Variants in CCDC12 observed in about 807,000 individuals in gnomAD.
The protein encoded by CCDC12 is coiled-coil domain-containing protein 12.
A neutral mutation model predicts 25.7 loss-of-function variants in CCDC12; 28 were observed. The ratio of observed to expected loss-of-function variants is 1.09; its 90% CI spans 0.81 to 1.50. CCDC12 has a LOEUF of 1.50. CCDC12 is among the 40% of genes most tolerant of loss of function. CCDC12 has a pLI of 0.00. For missense variants in CCDC12, 198 were observed against 210.0 expected (o/e 0.94, Z 0.35); for synonymous variants, 75 against 87.7 (o/e 0.86, Z 0.81).
intron 1 of CCDC12, among the ~76,000 whole-genome samples, chr3:46,945,996 G>C (rs144315578): frequency 1.4e-4 from 21 of 152,300 alleles, no homozygotes; most frequent in African/African-American, 4.8e-4. Context: ...TCCCTCAATG[G>C]ATGAGTACAC....
intron 2 of CCDC12, among the ~76,000 whole-genome samples, chr3:46,937,932 C>T (rs992987827): frequency 6.6e-6 from 1 of 152,192 alleles, no homozygotes; most frequent in Non-Finnish European, 1.5e-5. Flanking sequence ...GGCACAACTC[C>T]TTGCTAAGGC....
In CCDC12 at chr3:46,932,231, C is replaced by T. The variant is rs192578276; in HGVS notation, c.165-6696G>A. On this transcript the variant is annotated intron_variant, in intron 2 of 6. Coordinates refer to ENST00000683445, the MANE Select transcript of CCDC12 (RefSeq NM_001277074.2). ...CAAGCAAAACAAAGCATTCTATATA[C>T]GCACGATCCTGGCAGCATAATTCAT... Among the ~76,000 whole-genome samples, 244 of 152,312 alleles carry T rather than the reference C, an allele frequency of 1.6e-3. 1 individual carries two copies. Among genetic ancestry groups the T allele is most frequent in the African/African-American group, 4.4e-3 (185 of 41,574 alleles).
chr3:46,944,068 T>TTGAA (rs1303073711), intron 1 of CCDC12, among the ~76,000 whole-genome samples: 1 of 152,106 alleles, frequency 6.6e-6, no homozygotes, highest in Non-Finnish European at 1.5e-5. Flanking sequence ...CGCAGACCAC[T>TTGAA]TGAAGCTCAC....
At chr3:46,944,777 C>T (rs2033841752) in intron 1 of CCDC12, among the ~76,000 whole-genome samples, 1 of 152,128 alleles carries the variant, frequency 6.6e-6, no homozygotes, top group African/African-American at 2.4e-5. Flanking sequence ...CTCTCTTCAA[C>T]TTATCAATCC....
chr3:46,948,313 G>T (rs944050430), intron 1 of CCDC12, among the ~76,000 whole-genome samples: 2 of 152,208 alleles, frequency 1.3e-5, no homozygotes, highest in African/African-American at 4.8e-5. Context: ...TTCCCTAAAG[G>T]CTTCTGAGCA....
chr3:46,941,615 G>C (rs1451686305), intron 1 of CCDC12, among the ~76,000 whole-genome samples: 2 of 151,874 alleles, frequency 1.3e-5, no homozygotes, highest in East Asian at 3.9e-4. Flanking sequence ...CCCAGTCCCA[G>C]GTACCTGGTA....
intron 1 of CCDC12, chr3:46,976,350 T>C: frequency 7.4e-7 from 1 of 1,349,398 alleles, no homozygotes; most frequent in East Asian, 3.1e-5. Flanking sequence ...CCTAGATACC[T>C]ACACGAGCAA....
At chr3:46,970,354 C>T (rs983941960) in intron 1 of CCDC12, among the ~76,000 whole-genome samples, 1 of 151,960 alleles carries the variant, frequency 6.6e-6, no homozygotes, top group Non-Finnish European at 1.5e-5. Flanking sequence ...GACAATTCTT[C>T]TTCCATTGTG....
chr3:46,951,841 T>C (rs2034142421), intron 1 of CCDC12, among the ~76,000 whole-genome samples: 1 of 99,470 alleles, frequency 1.0e-5, no homozygotes, highest in Non-Finnish European at 2.0e-5. Flanking sequence ...AGGATCAAAT[T>C]AACAATGATC....
intron 1 of CCDC12, among the ~76,000 whole-genome samples, chr3:46,974,370 C>G (rs2034901333): frequency 6.6e-6 from 1 of 152,184 alleles, no homozygotes. Flanking sequence ...GAGAGGATCC[C>G]TCTTTAAAAG....
intron 1 of CCDC12, among the ~76,000 whole-genome samples, chr3:46,973,650 G>C (rs1351163195): frequency 1.7e-5 from 2 of 120,694 alleles, no homozygotes; most frequent in South Asian, 5.2e-4. Flanking sequence ...GTCTCACTCT[G>C]TCGCCCAGGC....
intron 2 of CCDC12, among the ~76,000 whole-genome samples, chr3:46,926,632 GGCAGGGCGAGAGGTCCTGGGGGCT>G (rs2032971213): frequency 6.6e-6 from 1 of 152,074 alleles, no homozygotes; most frequent in Non-Finnish European, 1.5e-5. Flanking sequence ...TCCACAGGGC[GGCAGGGCGAGAGGTCCTGGGGGCT>G]GCAGGGTCTA....
intron 1 of CCDC12, among the ~76,000 whole-genome samples, chr3:46,981,759 C>A (rs1226631815): frequency 6.6e-6 from 1 of 152,188 alleles, no homozygotes; most frequent in Non-Finnish European, 1.5e-5. Context: ...AGGTCTTCAG[C>A]CTGGGTGGCA....
At chr3:46,962,702 C>G (rs1158438849) in intron 1 of CCDC12, among the ~76,000 whole-genome samples, 1 of 152,164 alleles carries the variant, frequency 6.6e-6, no homozygotes. Flanking sequence ...TATACCTCCA[C>G]CAGCCTGGCT....
At chr3:46,960,369 A>G (rs894645989) in intron 1 of CCDC12, among the ~76,000 whole-genome samples, 2 of 152,234 alleles carry the variant, frequency 1.3e-5, no homozygotes, top group African/African-American at 4.8e-5. Context: ...GGCCCAGGAC[A>G]GGAAAGTCCT....
intron 4 of CCDC12, 91 bp from the exon 5 acceptor site, chr3:46,923,454 A>G: frequency 6.6e-7 from 1 of 1,521,460 alleles, no homozygotes; most frequent in East Asian, 2.3e-5. Flanking sequence ...TGGGAGAAAG[A>G]GGAGGAGGAA....
At chr3:46,960,938 GT>G (rs1470427896) in intron 1 of CCDC12, among the ~76,000 whole-genome samples, 1 of 151,624 alleles carries the variant, frequency 6.6e-6, no homozygotes, top group Non-Finnish European at 1.5e-5. Context: ...AGGGGTTGGG[GT>G]TTGTAGGTGT....
At chr3:46,926,559 C>T (rs979965224) in intron 2 of CCDC12, among the ~76,000 whole-genome samples, 1 of 152,036 alleles carries the variant, frequency 6.6e-6, no homozygotes, top group African/African-American at 2.4e-5. Flanking sequence ...GGCTCAGGGG[C>T]TCATCAAATC....
At chr3:46,949,920 G>A (rs567098821) in intron 1 of CCDC12, among the ~76,000 whole-genome samples, 162 of 152,008 alleles carry the variant, frequency 1.1e-3, no homozygotes, top group African/African-American at 3.5e-3. Context: ...CCAGCTACTC[G>A]GGAGGCTGAG....
Sources: gnomAD v4.1 joint callset for allele counts (sites outside exome capture counted in the v4.1 genomes callset) on GRCh38, gnomAD v4.1.1 for gene constraint, MANE v1.5 for transcripts, NCBI Gene and HGNC (gene_info 2026-07-23, HGNC 2026-07-21) for gene names.